Variants in XYLT1 observed in about 807,000 individuals in gnomAD.
XYLT1 encodes xylosyltransferase 1.
XYLT1 carries 36 observed loss-of-function variants against 91.3 expected under a neutral mutation model. The observed-to-expected ratio is 0.39, with a 90% CI of 0.30 to 0.52. The LOEUF (loss-of-function observed/expected upper bound fraction) is 0.52, where lower values mean the gene tolerates loss of function less well. Among genes scored for constraint, XYLT1 ranks in the 20% least tolerant of loss-of-function variants. The probability of loss-of-function intolerance (pLI) is 0.68; values close to 1 mark genes in which losing one functional copy is unlikely to be tolerated. For missense variants in XYLT1, 1,242 were observed against 1,284.5 expected (o/e 0.97, Z 0.51); for synonymous variants, 588 against 532.0 (o/e 1.11, Z -1.45).
chr16:17,421,629 A>AG (rs1184744090), intron 1 of XYLT1, among the ~76,000 whole-genome samples: 2 of 152,156 alleles, frequency 1.3e-5, no homozygotes, highest in South Asian at 2.1e-4. Context: ...AAACAGACAG[A>AG]GGGGTCAAGG....
At chr16:17,425,071 G>A (rs1431937214) in intron 1 of XYLT1, among the ~76,000 whole-genome samples, 3 of 152,154 alleles carry the variant, frequency 2.0e-5, no homozygotes, top group Admixed American at 1.3e-4. Flanking sequence ...TTAGAAGTTG[G>A]AGGTGGACTC....
At chr16:17,441,668 G>C (rs1220094910) in intron 1 of XYLT1, among the ~76,000 whole-genome samples, 8 of 152,064 alleles carry the variant, frequency 5.3e-5, no homozygotes, top group African/African-American at 1.7e-4. Context: ...TTTTTAAATA[G>C]CAGGTACTCT....
At position 17,158,926 on chromosome 16, in the gene XYLT1, A is replaced by AGG; in HGVS notation, c.1290-19_1290-18dup. ...TCATTTGTCCTGTGGAAACAAACCAAGGGGAGAGTCAGGCCAGACACCGTG... is the reference window on the plus strand; with the variant it reads ...TCATTTGTCCTGTGGAAACAAACCAAGGGGGGAGAGTCAGGCCAGACACCGTG... On this transcript the variant is annotated splice_polypyrimidine_tract_variant and intron_variant, in intron 5 of 11. Transcript: ENST00000261381. 6 of 1,612,598 alleles carry AGG rather than the reference A, an allele frequency of 3.7e-6. No individual in the cohort carries two copies. The highest frequency in any genetic ancestry group is 5.1e-6 in the Non-Finnish European group (6 of 1,178,656).
intron 3 of XYLT1, among the ~76,000 whole-genome samples, chr16:17,218,837 C>T (rs1385673655): frequency 6.6e-6 from 1 of 152,168 alleles, no homozygotes; most frequent in Non-Finnish European, 1.5e-5. Flanking sequence ...AAATACCTCC[C>T]AAGCATGTGC....
At chr16:17,149,423 C>T (rs1272517119) in intron 6 of XYLT1, among the ~76,000 whole-genome samples, 1 of 152,044 alleles carries the variant, frequency 6.6e-6, no homozygotes, top group Non-Finnish European at 1.5e-5. Context: ...ACAAATGATA[C>T]ATCCAAAGTC....
At chr16:17,215,999 T>A (rs1418826557) in intron 3 of XYLT1, among the ~76,000 whole-genome samples, 1 of 152,126 alleles carries the variant, frequency 6.6e-6, no homozygotes, top group Admixed American at 6.5e-5. Flanking sequence ...TGGGGTGGTG[T>A]GGGATGCCTT....
At chr16:17,152,268 C>A (rs138953546) in intron 6 of XYLT1, among the ~76,000 whole-genome samples, 1 of 152,204 alleles carries the variant, frequency 6.6e-6, no homozygotes, top group African/African-American at 2.4e-5. Flanking sequence ...TAAAAACACA[C>A]GCTGAGGCCC....
chr16:17,172,327 G>T (rs1170061966), intron 5 of XYLT1, among the ~76,000 whole-genome samples: 1 of 149,802 alleles, frequency 6.7e-6, no homozygotes, highest in Non-Finnish European at 1.5e-5. Context: ...TGAATGTTTT[G>T]TGCTCTTTCA....
intron 10 of XYLT1, among the ~76,000 whole-genome samples, chr16:17,122,963 G>T (rs1199289845): frequency 6.6e-6 from 1 of 152,170 alleles, no homozygotes; most frequent in East Asian, 1.9e-4. Context: ...GTACCATGCT[G>T]TTCTGGTGAC....
intron 6 of XYLT1, among the ~76,000 whole-genome samples, chr16:17,155,756 C>T (rs180929679): frequency 1.2e-4 from 19 of 152,312 alleles, no homozygotes; most frequent in African/African-American, 4.3e-4. Flanking sequence ...GTGAGCTATT[C>T]TGTCAAGAGG....
intron 3 of XYLT1, among the ~76,000 whole-genome samples, chr16:17,225,382 G>A (rs1465810204): frequency 1.3e-5 from 2 of 152,128 alleles, no homozygotes; most frequent in Non-Finnish European, 2.9e-5. Context: ...AATATTAAGA[G>A]TGTCAAGACG....
intron 6 of XYLT1, among the ~76,000 whole-genome samples, chr16:17,149,784 G>A (rs1265923999): frequency 6.6e-6 from 1 of 152,150 alleles, no homozygotes. Context: ...CTAACCTTAG[G>A]CAACTTTAAT....
rs2141469816 is a variant in XYLT1 at position 17,102,289 on chromosome 16, C to A, written c.*6406G>T. ...GAATATGAGATTGTGTAAAGATGCA[C>A]AATGTTGCTGAAAAGAAGCCACATA... is the stretch of plus-strand genomic sequence containing the variant. On this transcript the variant is annotated 3_prime_UTR_variant, in exon 12 of 12. Transcript: ENST00000261381. The A allele has an allele frequency of 6.6e-6, 1 of 152,660 alleles. No individual in the cohort carries two copies. Among genetic ancestry groups the A allele is most frequent in the Middle Eastern group, 3.4e-3 (1 of 294 alleles). 9.5% of individuals were successfully genotyped at this position (152,660 alleles called of 1,614,324 possible). A position where few individuals can be genotyped will look rare whatever the true frequency, so the allele number is the denominator to read the frequency against.
At position 17,275,450 on chromosome 16, in the gene XYLT1, G is replaced by A. The variant is rs2141778229; in HGVS notation, c.403-15952C>T. ...CCCTGGAAGAAAGCAATCACTAAGT[G>A]AGCTGATCTTTGGCCTGGGGTGGGG... On this transcript the variant is annotated intron_variant, in intron 2 of 11. Transcript: ENST00000261381. Among the ~76,000 whole-genome samples, 2 of 152,268 alleles carry A rather than the reference G, an allele frequency of 1.3e-5. 1 individual carries two copies. Among genetic ancestry groups the A allele is most frequent in the East Asian group, 3.9e-4 (2 of 5,180 alleles).
chr16:17,230,254 C>T (rs62030859), intron 3 of XYLT1, among the ~76,000 whole-genome samples: 22,023 of 152,144 alleles, frequency 0.14, 1,740 homozygotes, highest in Non-Finnish European at 0.15. Context: ...ACCAGGGCTG[C>T]GAGAGGAATG....
At chr16:17,393,935 C>G (rs928957157) in intron 1 of XYLT1, among the ~76,000 whole-genome samples, 4 of 152,030 alleles carry the variant, frequency 2.6e-5, no homozygotes, top group Non-Finnish European at 5.9e-5. Flanking sequence ...GCCACCGCAC[C>G]TGGCTAATTT....
At chr16:17,217,489 C>T (rs149820967) in intron 3 of XYLT1, among the ~76,000 whole-genome samples, 5 of 152,332 alleles carry the variant, frequency 3.3e-5, no homozygotes, top group South Asian at 2.1e-4. Flanking sequence ...TCTGCTTTGT[C>T]ATATGCATTC....
At chr16:17,284,578 A>G (rs2034106852) in intron 2 of XYLT1, among the ~76,000 whole-genome samples, 1 of 152,210 alleles carries the variant, frequency 6.6e-6, no homozygotes, top group African/African-American at 2.4e-5. Flanking sequence ...AGCTTCTCCA[A>G]ACACATACCG....
chr16:17,365,870 C>T (rs756311991), intron 1 of XYLT1, among the ~76,000 whole-genome samples: 1 of 152,148 alleles, frequency 6.6e-6, no homozygotes, highest in Admixed American at 6.5e-5. Flanking sequence ...AAAATCTAAA[C>T]TCCTGTATTT....
Sources: allele counts gnomAD v4.1 joint callset (sites outside exome capture counted in the v4.1 genomes callset), GRCh38; gene constraint gnomAD v4.1.1; transcripts MANE v1.5; gene names NCBI Gene and HGNC (gene_info 2026-07-23, HGNC 2026-07-21).